Variants in CNTLN observed in about 807,000 individuals in gnomAD.
The protein encoded by CNTLN is centlein, also known as centlein, centrosomal protein.
In CNTLN, 212 loss-of-function variants were observed where a neutral mutation model predicts 180.0. The ratio of observed to expected loss-of-function variants is 1.18; its 90% CI spans 1.05 to 1.32. The LOEUF (loss-of-function observed/expected upper bound fraction) is 1.32. Among genes scored for constraint, CNTLN ranks in the 40% most tolerant of loss-of-function variants. The pLI, the probability that CNTLN is intolerant of heterozygous loss-of-function variation, is 0.00. For synonymous variants in CNTLN, 722 were observed against 563.1 expected (o/e 1.28, Z -3.99); for missense variants, 2,095 against 1,610.9 (o/e 1.30, Z -5.14).
intron 25 of CNTLN, among the ~76,000 whole-genome samples, chr9:17,494,177 T>A (rs1833319208): frequency 6.6e-6 from 1 of 152,330 alleles, no homozygotes; most frequent in African/African-American, 2.4e-5. Flanking sequence ...TTCTCATGTT[T>A]AATTATTTTT....
At chr9:17,469,201 A>T (rs758357746) in intron 23 of CNTLN, among the ~76,000 whole-genome samples, 2 of 151,780 alleles carry the variant, frequency 1.3e-5, no homozygotes, top group Non-Finnish European at 2.9e-5. Flanking sequence ...AAGTTTTAGA[A>T]GCACTTCCTT....
At chr9:17,290,009 C>T (rs529554206) in intron 6 of CNTLN, among the ~76,000 whole-genome samples, 20 of 152,248 alleles carry the variant, frequency 1.3e-4, no homozygotes, top group African/African-American at 2.2e-4. Context: ...TCTCTCAGCT[C>T]GTCAGAATCA....
At chr9:17,415,761 C>G (rs746767408) in intron 16 of CNTLN, 27 bp from the exon 17 acceptor site, 3 of 1,315,162 alleles carry the variant, frequency 2.3e-6, no homozygotes, top group Non-Finnish European at 3.3e-6. Flanking sequence ...AAGAATAATA[C>G]CATTTTTATG....
At position 17,309,113 on chromosome 9, in the gene CNTLN, T is replaced by C; in HGVS notation, c.1202T>C (p.Leu401Pro). ...FETTKSNEAMLRQSVTNLQDQ... is the reference protein window; with the variant it reads ...FETTKSNEAMPRQSVTNLQDQ... Reference sequence around the variant, plus strand: ...ACCACAAAATCAAATGAAGCTATGCTCCGGCAAAGTGTTACTAATCTTCAG... The same window carrying C: ...ACCACAAAATCAAATGAAGCTATGCCCCGGCAAAGTGTTACTAATCTTCAG... The change falls in exon 8 of 26, where the codon CTC becomes CCC. Residue 401 changes from leucine (L) to proline (P), a missense_variant. By Grantham distance (98) the Leu-to-Pro change is moderately conservative. Transcript: ENST00000380647. 6.2e-7 allele frequency: 1 copy of C among 1,607,432 alleles called. No individual in the cohort carries two copies. The highest frequency in any genetic ancestry group is 8.5e-7 in the Non-Finnish European group (1 of 1,177,614).
rs556453713 is a variant in CNTLN, at chr9:17,204,798, C to G, written c.450-21405C>G. Among the ~76,000 whole-genome samples the G allele has an allele frequency of 5.1e-3, 771 of 152,286 alleles. 5 individuals carry two copies. Among genetic ancestry groups the G allele is most frequent in the Admixed American group, 8.0e-3 (122 of 15,300 alleles). ...TAAAGCTGAGCCCACAGCCGCCCCT[C>G]CCCCCAGGTGCTCTGTTGCAGGGAG... On this transcript the variant is annotated intron_variant, in intron 2 of 25. Coordinates refer to ENST00000380647, the MANE Select transcript of CNTLN (RefSeq NM_017738.4).
At chr9:17,188,867 G>A (rs1821603613) in intron 2 of CNTLN, among the ~76,000 whole-genome samples, 1 of 151,804 alleles carries the variant, frequency 6.6e-6, no homozygotes, top group South Asian at 2.1e-4. Flanking sequence ...CATTATCTGA[G>A]TCATTGACTT....
At chr9:17,416,521 A>C (rs1401245545) in intron 18 of CNTLN, among the ~76,000 whole-genome samples, 1 of 152,182 alleles carries the variant, frequency 6.6e-6, no homozygotes, top group Non-Finnish European at 1.5e-5. Context: ...TCATACATAC[A>C]CATAGCTTAC....
At chr9:17,397,060 G>T (rs931480756) in intron 15 of CNTLN, among the ~76,000 whole-genome samples, 1 of 151,950 alleles carries the variant, frequency 6.6e-6, no homozygotes, top group African/African-American at 2.4e-5. Flanking sequence ...TTAACCACTT[G>T]GTACTACCAC....
intron 25 of CNTLN, among the ~76,000 whole-genome samples, chr9:17,487,833 G>A (rs1227323719): frequency 6.6e-6 from 1 of 152,044 alleles, no homozygotes; most frequent in Non-Finnish European, 1.5e-5. Context: ...AGTGATCAAG[G>A]GCAGTTTATT....
intron 13 of CNTLN, among the ~76,000 whole-genome samples, chr9:17,384,328 T>C (rs996001328): frequency 6.6e-6 from 1 of 151,784 alleles, no homozygotes; most frequent in African/African-American, 2.4e-5. Flanking sequence ...TTTTCCTACC[T>C]CTCGTCCTAG....
intron 12 of CNTLN, among the ~76,000 whole-genome samples, chr9:17,348,023 G>T (rs374838538): frequency 7.9e-5 from 12 of 152,050 alleles, no homozygotes; most frequent in African/African-American, 2.7e-4. Context: ...TAGAAACGGG[G>T]TTTCACCATG....
intron 24 of CNTLN, among the ~76,000 whole-genome samples, chr9:17,485,155 C>T (rs1167995487): frequency 2.6e-5 from 4 of 152,116 alleles, no homozygotes; most frequent in Non-Finnish European, 5.9e-5. Context: ...TCCTATCCTA[C>T]TATGGCTCTG....
At chr9:17,369,580 A>G (rs1269756953) in intron 13 of CNTLN, among the ~76,000 whole-genome samples, 3 of 151,768 alleles carry the variant, frequency 2.0e-5, no homozygotes, top group Admixed American at 6.6e-5. Flanking sequence ...GATTGAAAAA[A>G]TAAAAAAGAA....
chr9:17,140,704 A>G (rs1323962988), intron 1 of CNTLN, among the ~76,000 whole-genome samples: 1 of 152,166 alleles, frequency 6.6e-6, no homozygotes, highest in Admixed American at 6.5e-5. Flanking sequence ...TTGGCCTCCC[A>G]AAGTGATTAC....
chr9:17,171,666 T>C (rs184576342), intron 2 of CNTLN, among the ~76,000 whole-genome samples: 364 of 152,042 alleles, frequency 2.4e-3, no homozygotes, highest in African/African-American at 8.3e-3. Flanking sequence ...AGCTCAGGCA[T>C]GTGTGGAGGG....
intron 8 of CNTLN, among the ~76,000 whole-genome samples, chr9:17,327,955 A>C (rs1820412626): frequency 6.6e-6 from 1 of 152,128 alleles, no homozygotes; most frequent in Non-Finnish European, 1.5e-5. Context: ...CTCCGTCTCA[A>C]AAAAGAAAAA....
chr9:17,268,565 G>T (rs954778626), intron 5 of CNTLN, among the ~76,000 whole-genome samples: 2 of 152,154 alleles, frequency 1.3e-5, no homozygotes, highest in African/African-American at 4.8e-5. Flanking sequence ...TCTCTTCAAA[G>T]CTGTCAGACA....
At chr9:17,489,951 T>C (rs1833067699) in intron 25 of CNTLN, among the ~76,000 whole-genome samples, 1 of 152,198 alleles carries the variant, frequency 6.6e-6, no homozygotes, top group Non-Finnish European at 1.5e-5. Context: ...TTTTAATCTG[T>C]ATAAATCTCT....
chr9:17,514,776 T>A, the CNTLN span, among the ~76,000 whole-genome samples: 1 of 152,146 alleles, frequency 6.6e-6, no homozygotes, highest in East Asian at 1.9e-4. Flanking sequence ...CCACTGAGAT[T>A]TTGTAGTTGT....
Sources: gnomAD v4.1 joint callset for allele counts (sites outside exome capture counted in the v4.1 genomes callset) on GRCh38, gnomAD v4.1.1 for gene constraint, MANE v1.5 for transcripts, NCBI Gene and HGNC (gene_info 2026-07-23, HGNC 2026-07-21) for gene names.